FHIP2A: variants seen among roughly 807,000 people sequenced by gnomAD.
The protein encoded by FHIP2A is FHF complex subunit HOOK interacting protein 2A.
A neutral mutation model predicts 93.5 loss-of-function variants in FHIP2A; 46 were observed. The observed-to-expected ratio is 0.49, with a 90% CI of 0.39 to 0.63. FHIP2A has a LOEUF of 0.63. Ranked by LOEUF, FHIP2A falls within the 20% of genes least tolerant of loss-of-function variation. The pLI is 0.00. For synonymous variants in FHIP2A, 332 were observed against 326.5 expected (o/e 1.02, Z -0.18); for missense variants, 769 against 909.7 (o/e 0.85, Z 1.99).
At chr10:114,873,515 T>C (rs2083869121) in intron 16 of FHIP2A, among the ~76,000 whole-genome samples, 1 of 152,194 alleles carries the variant, frequency 6.6e-6, no homozygotes, top group African/African-American at 2.4e-5. Flanking sequence ...ACTTCAGAAG[T>C]GTAGAGTTAA....
At chr10:114,844,785 T>G (rs1310784466) in intron 7 of FHIP2A, among the ~76,000 whole-genome samples, 1 of 151,950 alleles carries the variant, frequency 6.6e-6, no homozygotes, top group Non-Finnish European at 1.5e-5. Context: ...TGTTTTTTTG[T>G]TTGTTTGTTT....
At chr10:114,870,669 T>C (rs982610762) in intron 16 of FHIP2A, among the ~76,000 whole-genome samples, 5 of 152,164 alleles carry the variant, frequency 3.3e-5, no homozygotes, top group Non-Finnish European at 5.9e-5. Flanking sequence ...TCAACAGATA[T>C]TCACTAAATC....
At chr10:114,823,834 GA>G (rs1263043435) in intron 1 of FHIP2A, among the ~76,000 whole-genome samples, 3 of 151,942 alleles carry the variant, frequency 2.0e-5, no homozygotes, top group African/African-American at 4.8e-5. Context: ...AAATACTTGG[GA>G]ACACTTAATG....
chr10:114,840,503 C>G (rs1202921036), intron 5 of FHIP2A, among the ~76,000 whole-genome samples: 1 of 152,130 alleles, frequency 6.6e-6, no homozygotes, highest in African/African-American at 2.4e-5. Flanking sequence ...TTGGCAGCAG[C>G]CTTTTATATG....
At chr10:114,833,177 G>T in intron 2 of FHIP2A, 56 bp from the exon 3 acceptor site, 2 of 1,365,030 alleles carry the variant, frequency 1.5e-6, no homozygotes, top group Non-Finnish European at 2.0e-6. Flanking sequence ...TATTTTAGGT[G>T]CAAATATGCA....
chr10:114,881,305 C>T (rs192344991), intron 16 of FHIP2A, among the ~76,000 whole-genome samples: 2 of 152,260 alleles, frequency 1.3e-5, no homozygotes, highest in East Asian at 1.9e-4. Context: ...TTTCCAAAAG[C>T]CTTCAAGAGT....
At chr10:114,844,074 T>G (rs980698872) in intron 7 of FHIP2A, 137 bp downstream of exon 7, 1 of 587,724 alleles carries the variant, frequency 1.7e-6, no homozygotes, top group Non-Finnish European at 2.8e-6. Context: ...GAATATTTTC[T>G]TGAAGCTTGT....
intron 16 of FHIP2A, among the ~76,000 whole-genome samples, chr10:114,896,638 C>G (rs2084002760): frequency 6.6e-6 from 1 of 152,158 alleles, no homozygotes; most frequent in Non-Finnish European, 1.5e-5. Flanking sequence ...GAAGCCCCTC[C>G]CCGCTTCCTG....
intron 16 of FHIP2A, among the ~76,000 whole-genome samples, chr10:114,875,452 G>A (rs556040451): frequency 6.6e-6 from 1 of 152,244 alleles, no homozygotes; most frequent in South Asian, 2.1e-4. Context: ...CCAGCACTTT[G>A]GCAGGCTGGG....
At chr10:114,828,018 A>G (rs2083587327) in intron 1 of FHIP2A, among the ~76,000 whole-genome samples, 1 of 148,578 alleles carries the variant, frequency 6.7e-6, no homozygotes, top group Admixed American at 6.7e-5. Context: ...TTTTTTTTTT[A>G]ACTCAGAGCA....
intron 13 of FHIP2A, among the ~76,000 whole-genome samples, chr10:114,853,329 CATTTA>C (rs2083747472): frequency 6.6e-6 from 1 of 152,136 alleles, no homozygotes; most frequent in Non-Finnish European, 1.5e-5. Flanking sequence ...GAAAAATGTA[CATTTA>C]ATTTGTATTT....
downstream of FHIP2A, among the ~76,000 whole-genome samples, chr10:114,866,547 A>G (rs1403142027): frequency 2.0e-5 from 3 of 152,372 alleles, no homozygotes; most frequent in East Asian, 5.8e-4. Context: ...TGTATCAGAA[A>G]TAGGACATCC....
chr10:114,829,183 A>G lies in FHIP2A; in HGVS notation c.46-1669A>G, dbSNP rs539923861. ...CATAGGCAGGGCAGCCCCAAGAGCT[A>G]CTAGTTGGCTATTTTTCTAGTTATT... On this transcript the variant is annotated intron_variant, in intron 1 of 16. Coordinates refer to ENST00000369248, the MANE Select transcript of FHIP2A (RefSeq NM_020940.4). Among the ~76,000 whole-genome samples the G allele has an allele frequency of 3.3e-5, 5 of 152,358 alleles. No individual in the cohort carries two copies. In the East Asian group the frequency reaches 9.6e-4, roughly 29 times the overall value.
chr10:114,893,576 C>T (rs750575210), intron 16 of FHIP2A, among the ~76,000 whole-genome samples: 2 of 152,114 alleles, frequency 1.3e-5, no homozygotes, highest in South Asian at 4.1e-4. Context: ...CTATGCTTCC[C>T]CAAAATCCAG....
At chr10:114,895,725 G>A (rs2083997835) in intron 16 of FHIP2A, among the ~76,000 whole-genome samples, 1 of 152,114 alleles carries the variant, frequency 6.6e-6, no homozygotes, top group Non-Finnish European at 1.5e-5. Context: ...TTCAGACCTA[G>A]GTGTTATATC....
intron 12 of FHIP2A, among the ~76,000 whole-genome samples, chr10:114,848,145 C>A (rs2083713124): frequency 6.6e-6 from 1 of 151,702 alleles, no homozygotes; most frequent in African/African-American, 2.4e-5. Flanking sequence ...TTTTTTTTCT[C>A]TCTTTTGCTT....
At chr10:114,829,878 G>A (rs1352713761) in intron 1 of FHIP2A, among the ~76,000 whole-genome samples, 1 of 152,200 alleles carries the variant, frequency 6.6e-6, no homozygotes, top group African/African-American at 2.4e-5. Context: ...CTATAAGATG[G>A]CTGAGGGGAT....
intron 13 of FHIP2A, among the ~76,000 whole-genome samples, chr10:114,852,691 A>G (rs191211393): frequency 6.6e-6 from 1 of 152,184 alleles, no homozygotes; most frequent in South Asian, 2.1e-4. Flanking sequence ...CTTAGAAGCC[A>G]TTAACAGATT....
chr10:114,835,598 G>A lies in FHIP2A; in HGVS notation c.356G>A (p.Arg119Gln), dbSNP rs765894479. 8 of 1,612,496 alleles carry A rather than the reference G, an allele frequency of 5.0e-6. No homozygotes were observed. Among genetic ancestry groups the A allele is most frequent in the Non-Finnish European group, 5.9e-6 (7 of 1,179,134 alleles). ...VFYTKLLGRIRQPLLPHINVH... is the reference protein window; with the variant it reads ...VFYTKLLGRIQQPLLPHINVH... ...TATACGAAACTTCTGGGAAGAATCC[G>A]GCAGCCACTACTTCCACACATTAAC... The change falls in exon 4 of 17, where the codon CGG (arginine) becomes CAG (glutamine). Residue 119 changes from arginine (R) to glutamine (Q), a missense_variant. Arg to Gln is a conservative substitution (Grantham distance 43, BLOSUM62 1). Coordinates refer to ENST00000369248, the MANE Select transcript of FHIP2A (RefSeq NM_020940.4).
Sources: allele counts gnomAD v4.1 joint callset (sites outside exome capture counted in the v4.1 genomes callset), GRCh38; gene constraint gnomAD v4.1.1; transcripts MANE v1.5; gene names NCBI Gene and HGNC (gene_info 2026-07-23, HGNC 2026-07-21).